The following CCDC171 variants were observed in gnomAD, a reference collection of about 807,000 sequenced individuals.
The protein encoded by CCDC171 is coiled-coil domain-containing protein 171.
A neutral mutation model predicts 168.2 loss-of-function variants in CCDC171; 177 were observed. That is an observed-to-expected ratio of 1.05 (90% CI 0.93 to 1.19). CCDC171 has a LOEUF of 1.19. Among genes scored for constraint, CCDC171 ranks in the 50% most tolerant of loss-of-function variants. The pLI is 0.00. For synonymous variants in CCDC171, 687 were observed against 540.8 expected (o/e 1.27, Z -3.75); for missense variants, 1,991 against 1,539.0 (o/e 1.29, Z -4.91).
intron 24 of CCDC171, among the ~76,000 whole-genome samples, chr9:15,897,081 A>G (rs1177088004): frequency 2.6e-5 from 4 of 152,006 alleles, no homozygotes; most frequent in Non-Finnish European, 4.4e-5. Context: ...TCCAGCATGT[A>G]TAGATCTCAT....
At chr9:16,047,429 T>G (rs1231191126) in intron 1 of CCDC171, among the ~76,000 whole-genome samples, 1 of 152,140 alleles carries the variant, frequency 6.6e-6, no homozygotes, top group Non-Finnish European at 1.5e-5. Context: ...TCCTCTTCAC[T>G]ACCTCCTGCC....
chr9:15,748,609 A>G (rs2055473162), intron 18 of CCDC171, among the ~76,000 whole-genome samples: 1 of 152,210 alleles, frequency 6.6e-6, no homozygotes, highest in South Asian at 2.1e-4. Flanking sequence ...AGCCCATCAG[A>G]CTAACAGCGG....
intron 21 of CCDC171, among the ~76,000 whole-genome samples, chr9:15,822,113 G>A (rs1188598908): frequency 6.6e-6 from 1 of 152,132 alleles, no homozygotes; most frequent in Non-Finnish European, 1.5e-5. Context: ...ATGGTGCTGG[G>A]AAAACTGGCT....
chr9:15,635,344 C>T lies in CCDC171; in HGVS notation c.822+11931C>T, dbSNP rs116497264. ...TTCTTTGGAGAAATAGCTATTTACA[C>T]CCTTGTCCTTTTTAAAAATGGATTG... On this transcript the variant is annotated intron_variant, in intron 7 of 25. Transcript: ENST00000380701. Among the ~76,000 whole-genome samples the T allele has an allele frequency of 6.1e-3, 927 of 152,230 alleles. 7 individuals carry two copies. Among genetic ancestry groups the T allele is most frequent in the African/African-American group, 0.022 (901 of 41,528 alleles).
intron 23 of CCDC171, 77 bp from the exon 24 acceptor site, chr9:15,874,455 G>T: frequency 1.5e-6 from 2 of 1,292,502 alleles, no homozygotes; most frequent in Non-Finnish European, 2.1e-6. Flanking sequence ...CCACTCAGTG[G>T]GCTCAAGGGG....
chr9:15,599,998 T>C (rs1564020044), intron 6 of CCDC171, among the ~76,000 whole-genome samples: 1 of 151,884 alleles, frequency 6.6e-6, no homozygotes, highest in Non-Finnish European at 1.5e-5. Flanking sequence ...TTCAGCTCCG[T>C]CAGGTCCTTT....
intron 7 of CCDC171, among the ~76,000 whole-genome samples, chr9:15,641,749 A>G (rs1265774150): frequency 6.6e-6 from 1 of 152,234 alleles, no homozygotes; most frequent in Non-Finnish European, 1.5e-5. Context: ...ACCAAAAAAG[A>G]GGTAGAGTAA....
intron 7 of CCDC171, among the ~76,000 whole-genome samples, chr9:15,625,207 T>C (rs989767370): frequency 1.3e-5 from 2 of 152,242 alleles, no homozygotes; most frequent in African/African-American, 4.8e-5. Context: ...TTGTAGATTC[T>C]GGATATTAGC....
At chr9:15,962,841 G>A (rs765097819) in intron 25 of CCDC171, among the ~76,000 whole-genome samples, 3 of 150,958 alleles carry the variant, frequency 2.0e-5, no homozygotes, top group African/African-American at 4.9e-5. Flanking sequence ...GAAAAAATAG[G>A]GATAGATATG....
intron 6 of CCDC171, among the ~76,000 whole-genome samples, chr9:15,617,377 G>A (rs1183270132): frequency 6.6e-6 from 1 of 150,648 alleles, no homozygotes; most frequent in Non-Finnish European, 1.5e-5. Flanking sequence ...TTTTGTGGGA[G>A]GGTTTTTTTT....
intron 7 of CCDC171, among the ~76,000 whole-genome samples, chr9:15,656,460 ATT>A (rs1260577395): frequency 6.6e-6 from 1 of 152,244 alleles, no homozygotes; most frequent in African/African-American, 2.4e-5. Flanking sequence ...TTTATTTGTA[ATT>A]GCCTAAACTG....
chr9:15,825,351 A>G (rs2059967638), intron 21 of CCDC171, among the ~76,000 whole-genome samples: 1 of 152,190 alleles, frequency 6.6e-6, no homozygotes, highest in Non-Finnish European at 1.5e-5. Context: ...AAATAGGGCT[A>G]TCACATCTTT....
intron 25 of CCDC171, among the ~76,000 whole-genome samples, chr9:15,962,956 C>A (rs1160623504): frequency 1.3e-5 from 2 of 151,076 alleles, no homozygotes; most frequent in East Asian, 1.9e-4. Context: ...ATGTTTTTTT[C>A]ACTTGGATAT....
At chr9:15,670,258 G>A (rs76486480) in intron 9 of CCDC171, among the ~76,000 whole-genome samples, 13 of 152,020 alleles carry the variant, frequency 8.6e-5, no homozygotes, top group African/African-American at 3.1e-4. Flanking sequence ...TTATAAAATA[G>A]TACCAAAAAA....
chr9:15,560,166 T>A lies in CCDC171; in HGVS notation c.-111-3812T>A, dbSNP rs1235284066. Reference sequence around the variant, plus strand: ...GTTTCTGGCTGCCCTTAATATTTTTTCCTTCATTTCAACTTTGGTGAATCT... The same window carrying A: ...GTTTCTGGCTGCCCTTAATATTTTTACCTTCATTTCAACTTTGGTGAATCT... On this transcript the variant is annotated intron_variant, in intron 1 of 25. Transcript: ENST00000380701. Among the ~76,000 whole-genome samples the A allele has an allele frequency of 2.8e-4, 42 of 152,144 alleles. 1 individual carries two copies.
chr9:15,630,240 A>C (rs1007677654), intron 7 of CCDC171, among the ~76,000 whole-genome samples: 4 of 152,224 alleles, frequency 2.6e-5, no homozygotes, highest in African/African-American at 9.6e-5. Context: ...GGCAAATTGG[A>C]TACAGTCAAG....
intron 3 of CCDC171, among the ~76,000 whole-genome samples, chr9:15,575,008 A>G (rs951283056): frequency 2.0e-5 from 3 of 152,140 alleles, no homozygotes; most frequent in Admixed American, 6.6e-5. Flanking sequence ...GGTTTTTAGA[A>G]TCATTTGAGC....
At position 15,972,116 on chromosome 9, in the gene CCDC171, T is replaced by A. The variant is rs1340960944; in HGVS notation, c.*280T>A. 7.8e-6 allele frequency: 3 copies of A among 385,342 alleles called. No homozygotes were observed. Among genetic ancestry groups the A allele is most frequent in the African/African-American group, 4.2e-5 (2 of 48,114 alleles). The allele number at this position is 385,342 out of a possible 1,614,324, so 23.9% of individuals were successfully genotyped here. On this transcript the variant is annotated 3_prime_UTR_variant, in exon 26 of 26. Transcript: ENST00000380701. Reference sequence around the variant, plus strand: ...ACATTTTGGGTAATTTCCCTCAGACTTAAAAAAATCAATAAGCCATTTTAG... The same window carrying A: ...ACATTTTGGGTAATTTCCCTCAGACATAAAAAAATCAATAAGCCATTTTAG...
intron 21 of CCDC171, among the ~76,000 whole-genome samples, chr9:15,828,845 A>C (rs1399867183): frequency 6.6e-6 from 1 of 152,234 alleles, no homozygotes; most frequent in Non-Finnish European, 1.5e-5. Flanking sequence ...ATAGGTCAGA[A>C]AATAGCTTAT....
Sources: allele counts gnomAD v4.1 joint callset (sites outside exome capture counted in the v4.1 genomes callset), GRCh38; gene constraint gnomAD v4.1.1; transcripts MANE v1.5; gene names NCBI Gene and HGNC (gene_info 2026-07-23, HGNC 2026-07-21).